The following DLC1 variants were observed in gnomAD, a reference collection of about 807,000 sequenced individuals.
DLC1 encodes the protein rho GTPase-activating protein 7.
Under a neutral mutation model 140.3 loss-of-function variants are expected in DLC1, and 54 were observed. The ratio of observed to expected loss-of-function variants is 0.38; its 90% CI spans 0.31 to 0.48. The LOEUF is 0.48. Among genes scored for constraint, DLC1 ranks in the 20% least tolerant of loss-of-function variants. DLC1 has a pLI of 0.96. For synonymous variants in DLC1, 986 were observed against 728.1 expected (o/e 1.35, Z -5.70); for missense variants, 2,536 against 1,907.0 (o/e 1.33, Z -6.14).
intron 5 of DLC1, among the ~76,000 whole-genome samples, chr8:13,176,281 A>G (rs1003009574): frequency 1.3e-5 from 2 of 152,148 alleles, no homozygotes; most frequent in African/African-American, 4.8e-5. Flanking sequence ...CTGCCTTCTA[A>G]TAAAAACTCT....
At chr8:13,117,436 C>T (rs942788981) in intron 5 of DLC1, among the ~76,000 whole-genome samples, 4 of 151,880 alleles carry the variant, frequency 2.6e-5, no homozygotes, top group African/African-American at 9.7e-5. Flanking sequence ...CTCAATGGTA[C>T]TACCACACAC....
intron 1 of DLC1, among the ~76,000 whole-genome samples, chr8:13,553,654 C>G (rs1236218716): frequency 2.6e-5 from 4 of 151,846 alleles, no homozygotes; most frequent in Admixed American, 6.6e-5. Context: ...CTCTCAGCCT[C>G]TCCATTTTTC....
intron 2 of DLC1, among the ~76,000 whole-genome samples, chr8:13,468,820 T>C (rs1278046449): frequency 1.9e-5 from 1 of 52,244 alleles, no homozygotes; most frequent in East Asian, 3.9e-4. Flanking sequence ...GCTTTTTTTT[T>C]TTTTTTTTTT....
rs80213705 is a variant in DLC1 at position 13,180,468 on chromosome 8, G to C, written c.1349-64811C>G. Among the ~76,000 whole-genome samples, 670 of 152,164 alleles carry C rather than the reference G, an allele frequency of 4.4e-3. 10 individuals carry two copies. The highest frequency in any genetic ancestry group is 0.015 in the African/African-American group (622 of 41,546). On this transcript the variant is annotated intron_variant, in intron 5 of 17. Transcript: ENST00000276297. ...GACACTGTGAAAAATCAAAAGGTTA[G>C]TTCTTATAAATAAAGGTTAATTATT...
intron 6 of DLC1, among the ~76,000 whole-genome samples, chr8:13,113,173 A>G (rs190695181): frequency 8.5e-5 from 13 of 152,314 alleles, no homozygotes; most frequent in Middle Eastern, 3.4e-3. Flanking sequence ...CTGGCTTTTA[A>G]AAGATGATAG....
At chr8:13,572,602 G>A (rs1481015235) in intron 1 of DLC1, among the ~76,000 whole-genome samples, 3 of 152,088 alleles carry the variant, frequency 2.0e-5, no homozygotes, top group Non-Finnish European at 4.4e-5. Context: ...TCTTCTAAGA[G>A]TTTTATAGTC....
intron 5 of DLC1, among the ~76,000 whole-genome samples, chr8:13,212,864 ATGTT>A (rs1828013191): frequency 6.6e-6 from 1 of 152,164 alleles, no homozygotes; most frequent in Admixed American, 6.5e-5. Context: ...GTTTGACTAA[ATGTT>A]TGTTTCTAGC....
rs929921116 is a variant in DLC1, at chr8:13,141,123, C to T, written c.1349-25466G>A. 6.6e-5 allele frequency among the ~76,000 whole-genome samples: 10 copies of T among 151,958 alleles called. No individual in the cohort carries two copies. The South Asian group carries it at 1.9e-3, about 28-fold the overall frequency. On this transcript the variant is annotated intron_variant, in intron 5 of 17. Transcript: ENST00000276297. ...ATACAAAATTAGCTGGGCATGGTGG[C>T]GCATGCCTGTAATTCCAGCTACTCG... is the stretch of plus-strand genomic sequence containing the variant.
intron 3 of DLC1, 53 bp from the exon 4 acceptor site, chr8:13,393,746 C>G: frequency 6.4e-7 from 1 of 1,570,402 alleles, no homozygotes; most frequent in Non-Finnish European, 8.6e-7. Context: ...TTCCCAAATG[C>G]CCTTCTTCCT....
At chr8:13,385,077 G>T (rs1836457439) in intron 4 of DLC1, among the ~76,000 whole-genome samples, 1 of 152,144 alleles carries the variant, frequency 6.6e-6, no homozygotes, top group African/African-American at 2.4e-5. Context: ...ACAGGCAGAG[G>T]ACGGCAGTTT....
chr8:13,364,992 T>TGGTAAATCTTTGCCCACAGACTTGCAA (rs1359632082), intron 4 of DLC1, among the ~76,000 whole-genome samples: 5 of 152,228 alleles, frequency 3.3e-5, no homozygotes, highest in South Asian at 2.1e-4. Context: ...TGAGATTGCA[T>TGGTAAATCTTTGCCCACAGACTTGCAA]GGTAAATCTT....
chr8:13,092,171 G>C (rs1166008147), intron 13 of DLC1, among the ~76,000 whole-genome samples: 3 of 152,190 alleles, frequency 2.0e-5, no homozygotes, highest in African/African-American at 7.2e-5. Context: ...CTTGAACCTG[G>C]AAGGCAGAGG....
chr8:13,256,695 G>C (rs1830241872), intron 5 of DLC1, among the ~76,000 whole-genome samples: 1 of 152,106 alleles, frequency 6.6e-6, no homozygotes, highest in African/African-American at 2.4e-5. Context: ...GACACAGGGA[G>C]GGGAACATCA....
chr8:13,101,366 T>C (rs1819074265), intron 8 of DLC1, among the ~76,000 whole-genome samples: 1 of 152,222 alleles, frequency 6.6e-6, no homozygotes, highest in Non-Finnish European at 1.5e-5. Context: ...TCTGAGATGG[T>C]GAAAATTCCA....
intron 5 of DLC1, among the ~76,000 whole-genome samples, chr8:13,280,655 C>A (rs889449452): frequency 5.9e-5 from 9 of 152,012 alleles, no homozygotes; most frequent in Non-Finnish European, 8.8e-5. Context: ...TGTTAGAGAC[C>A]TCTTCTTTTC....
chr8:13,588,416 T>C (rs943319498), intron 1 of DLC1, among the ~76,000 whole-genome samples: 5 of 152,024 alleles, frequency 3.3e-5, no homozygotes, highest in Non-Finnish European at 5.9e-5. Flanking sequence ...TCCACAGTAG[T>C]TGAGAGCCAG....
At chr8:13,169,756 G>C (rs1825336225) in intron 5 of DLC1, among the ~76,000 whole-genome samples, 1 of 152,172 alleles carries the variant, frequency 6.6e-6, no homozygotes, top group Admixed American at 6.5e-5. Context: ...GAGCCCAGTG[G>C]CTCTAGTCTG....
At position 13,413,603 on chromosome 8, in the gene DLC1, G is replaced by T. The variant is rs576469678; in HGVS notation, c.1024-11984C>A. ...AAATCTCATCTCCCCAGGTGTTGAG[G>T]GAGGGACCTGTTGGGAGGTAATTGG... is the stretch of plus-strand genomic sequence containing the variant. On this transcript the variant is annotated intron_variant, in intron 2 of 17. Transcript: ENST00000276297. Among the ~76,000 whole-genome samples, 10 of 151,974 alleles carry T rather than the reference G, an allele frequency of 6.6e-5. No homozygotes were observed. In the South Asian group the frequency reaches 8.4e-4, roughly 13 times the overall value.
chr8:13,214,042 C>T (rs1057304929), intron 5 of DLC1, among the ~76,000 whole-genome samples: 1 of 152,118 alleles, frequency 6.6e-6, no homozygotes, highest in Non-Finnish European at 1.5e-5. Context: ...CTTCAGCCTC[C>T]CAAAGTGTTG....
Sources: gnomAD v4.1 joint callset for allele counts (sites outside exome capture counted in the v4.1 genomes callset) on GRCh38, gnomAD v4.1.1 for gene constraint, MANE v1.5 for transcripts, NCBI Gene and HGNC (gene_info 2026-07-23, HGNC 2026-07-21) for gene names.